RALA: variants seen among roughly 807,000 people sequenced by gnomAD.
The protein encoded by RALA is ras-related protein Ral-A.
RALA carries 5 observed loss-of-function variants against 24.0 expected under a neutral mutation model. The ratio of observed to expected loss-of-function variants is 0.21; its 90% CI spans 0.11 to 0.44. The LOEUF (loss-of-function observed/expected upper bound fraction) is 0.44, where lower values mean the gene tolerates loss of function less well. Ranked by LOEUF, RALA falls within the 20% of genes least tolerant of loss-of-function variation. The pLI is 0.99. For missense variants in RALA, 95 were observed against 241.2 expected (o/e 0.39, Z 4.01); for synonymous variants, 77 against 83.8 (o/e 0.92, Z 0.44).
intron 1 of RALA, among the ~76,000 whole-genome samples, chr7:39,682,429 G>T (rs1032654121): frequency 4.6e-5 from 7 of 152,060 alleles, no homozygotes; most frequent in Non-Finnish European, 8.8e-5. Flanking sequence ...CACCAACCAG[G>T]GTAATCTTTT....
At chr7:39,686,559 C>CAT in intron 1 of RALA, 72 bp from the exon 2 acceptor site, 2 of 852,688 alleles carry the variant, frequency 2.3e-6, no homozygotes, top group South Asian at 3.2e-5. Flanking sequence ...ACTCTAAGGA[C>CAT]ATATCTCTTT....
intron 1 of RALA, among the ~76,000 whole-genome samples, chr7:39,655,799 C>G (rs896469436): frequency 5.9e-5 from 9 of 152,164 alleles, no homozygotes; most frequent in African/African-American, 2.2e-4. Context: ...TTAACCCAAA[C>G]TTCCCCAAAT....
intron 1 of RALA, among the ~76,000 whole-genome samples, chr7:39,672,529 A>C (rs1451032129): frequency 6.6e-6 from 1 of 152,196 alleles, no homozygotes; most frequent in African/African-American, 2.4e-5. Context: ...TTACCCAAGA[A>C]AAATGAAAAC....
intron 1 of RALA, among the ~76,000 whole-genome samples, chr7:39,674,655 C>G (rs952855030): frequency 6.6e-6 from 1 of 152,132 alleles, no homozygotes; most frequent in South Asian, 2.1e-4. Flanking sequence ...TATCCTTTAT[C>G]CTAAGTGCTT....
At chr7:39,680,405 AATAT>A (rs10540439) in intron 1 of RALA, among the ~76,000 whole-genome samples, 7 of 147,792 alleles carry the variant, frequency 4.7e-5, no homozygotes, top group South Asian at 2.1e-4. Context: ...AAAAAACACA[AATAT>A]ATATATATAT....
intron 1 of RALA, among the ~76,000 whole-genome samples, chr7:39,629,454 G>C (rs540766012): frequency 1.2e-4 from 18 of 151,694 alleles, no homozygotes; most frequent in Non-Finnish European, 1.9e-4. Flanking sequence ...TCGCTCTGTC[G>C]CCCAGGCTGG....
intron 4 of RALA, among the ~76,000 whole-genome samples, chr7:39,701,912 T>C (rs1793034996): frequency 6.6e-6 from 1 of 152,214 alleles, no homozygotes; most frequent in African/African-American, 2.4e-5. Flanking sequence ...ACCTTGTTAT[T>C]ATCCTTCTAG....
intron 1 of RALA, among the ~76,000 whole-genome samples, chr7:39,642,621 G>A (rs756090816): frequency 1.3e-5 from 2 of 152,068 alleles, no homozygotes; most frequent in African/African-American, 2.4e-5. Context: ...TTAGCCATTC[G>A]TAAACCCCTG....
chr7:39,653,740 C>T (rs1583719023), intron 1 of RALA, among the ~76,000 whole-genome samples: 1 of 152,226 alleles, frequency 6.6e-6, no homozygotes, highest in East Asian at 1.9e-4. Context: ...GCTTCTGAGA[C>T]CAGCATTTAA....
At chr7:39,638,947 GT>G (rs1463140310) in intron 1 of RALA, among the ~76,000 whole-genome samples, 1 of 152,200 alleles carries the variant, frequency 6.6e-6, no homozygotes, top group East Asian at 1.9e-4. Context: ...TTGCCACACT[GT>G]TTTCCAGAGT....
At chr7:39,657,154 C>T (rs1016714938) in intron 1 of RALA, among the ~76,000 whole-genome samples, 22 of 151,852 alleles carry the variant, frequency 1.4e-4, no homozygotes, top group African/African-American at 4.4e-4. Context: ...TTTGTAGTGA[C>T]GGGGTTTCAC....
chr7:39,680,407 T>TAA, intron 1 of RALA, among the ~76,000 whole-genome samples: 1 of 30,140 alleles, frequency 3.3e-5, no homozygotes, highest in East Asian at 3.9e-4. Flanking sequence ...AAAACACAAA[T>TAA]ATATATATAT....
chr7:39,677,222 C>G (rs1792502373), intron 1 of RALA, among the ~76,000 whole-genome samples: 1 of 152,234 alleles, frequency 6.6e-6, no homozygotes, highest in Non-Finnish European at 1.5e-5. Context: ...GGAACCAACC[C>G]TGTTGGCATC....
chr7:39,701,214 T>A (rs1793020742), intron 4 of RALA, among the ~76,000 whole-genome samples: 1 of 152,182 alleles, frequency 6.6e-6, no homozygotes, highest in Non-Finnish European at 1.5e-5. Flanking sequence ...TTCAATATTT[T>A]ACTCAAAACA....
chr7:39,675,708 G>C (rs1792473312), intron 1 of RALA, among the ~76,000 whole-genome samples: 1 of 150,632 alleles, frequency 6.6e-6, no homozygotes, highest in Admixed American at 6.6e-5. Flanking sequence ...ACTCTAGCCT[G>C]GGCAACAGAG....
intron 1 of RALA, among the ~76,000 whole-genome samples, chr7:39,645,481 T>C (rs1306818995): frequency 6.6e-6 from 1 of 152,216 alleles, no homozygotes; most frequent in Non-Finnish European, 1.5e-5. Flanking sequence ...ATGATAGTAA[T>C]TGAGGGTTTT....
intron 1 of RALA, among the ~76,000 whole-genome samples, chr7:39,638,313 A>G (rs1791720316): frequency 6.6e-6 from 1 of 152,212 alleles, no homozygotes; most frequent in South Asian, 2.1e-4. Flanking sequence ...AGGTTATAAT[A>G]GGGATCTTCA....
intron 1 of RALA, among the ~76,000 whole-genome samples, chr7:39,657,573 C>G (rs1792118966): frequency 6.6e-6 from 1 of 152,124 alleles, no homozygotes; most frequent in African/African-American, 2.4e-5. Context: ...TAAACATTAT[C>G]TTTTTGGTCA....
intron 1 of RALA, among the ~76,000 whole-genome samples, chr7:39,627,129 G>A (rs573442638): frequency 2.7e-5 from 4 of 150,912 alleles, no homozygotes; most frequent in African/African-American, 9.8e-5. Flanking sequence ...TGATTGTCTG[G>A]CCCCCATAAG....
Sources: gnomAD v4.1 joint callset for allele counts (sites outside exome capture counted in the v4.1 genomes callset) on GRCh38, gnomAD v4.1.1 for gene constraint, MANE v1.5 for transcripts, NCBI Gene and HGNC (gene_info 2026-07-23, HGNC 2026-07-21) for gene names.